ILKAP: variants seen among roughly 807,000 people sequenced by gnomAD.
The protein encoded by ILKAP is integrin-linked kinase-associated serine/threonine phosphatase 2C.
ILKAP carries 11 observed loss-of-function variants against 49.1 expected under a neutral mutation model. The ratio of observed to expected loss-of-function variants is 0.22; its 90% confidence interval spans 0.14 to 0.37. The LOEUF is 0.37. Among genes scored for constraint, ILKAP ranks in the 10% least tolerant of loss-of-function variants. The pLI, the probability that ILKAP is intolerant of heterozygous loss-of-function variation, is 1.00. For synonymous variants in ILKAP, 186 were observed against 192.8 expected (o/e 0.96, Z 0.29); for missense variants, 363 against 510.8 (o/e 0.71, Z 2.79).
In ILKAP at chr2:238,170,523, C is replaced by T. The variant is rs1012676265; in HGVS notation, c.*13G>A. ...AGTCAATACCATGCGTGCTCCTGGC[C>T]GCGCGCCACCCCTCAGTGCCCTATC... On this transcript the variant is annotated 3_prime_UTR_variant, in exon 12 of 12. Transcript: ENST00000254654. 15 of 1,581,496 alleles carry T rather than the reference C, an allele frequency of 9.5e-6. No homozygotes were observed. Among genetic ancestry groups the T allele is most frequent in the Non-Finnish European group, 1.2e-5 (14 of 1,158,722 alleles).
intron 3 of ILKAP, among the ~76,000 whole-genome samples, chr2:238,191,284 A>G (rs1278724973): frequency 6.6e-6 from 1 of 151,928 alleles, no homozygotes; most frequent in Non-Finnish European, 1.5e-5. Context: ...GGAGTGCACC[A>G]TCACACCCAG....
chr2:238,193,015 G>GAA (rs35113840), intron 3 of ILKAP, among the ~76,000 whole-genome samples: 2 of 149,104 alleles, frequency 1.3e-5, no homozygotes, highest in East Asian at 2.0e-4. Flanking sequence ...TCCGTCTCAA[G>GAA]AAAAAAAAAA....
chr2:238,173,455 G>A, intron 10 of ILKAP, 79 bp downstream of exon 10: 1 of 1,559,536 alleles, frequency 6.4e-7, no homozygotes, highest in South Asian at 1.1e-5. Flanking sequence ...CTCCAACAAA[G>A]GCTTGATAGA....
Position 238,183,978 on chromosome 2 carries a change from C to T in ILKAP, c.626+42G>A, listed in dbSNP as rs183854102. ...GACTGAAATGCATTTAGGAAAACAC[C>T]ACACACAGTCCACTCAAACTTCATC... On this transcript the variant is annotated intron_variant, in intron 7 of 11. Transcript: ENST00000254654. 141 of 1,225,562 alleles carry T rather than the reference C, an allele frequency of 1.2e-4. No individual in the cohort carries two copies. In the African/African-American group the frequency reaches 1.9e-3, roughly 16 times the overall value. The allele number at this position is 1,225,562 out of a possible 1,614,324, so 75.9% of individuals were successfully genotyped here. A position where few individuals can be genotyped will look rare whatever the true frequency, so the allele number is the denominator to read the frequency against.
At chr2:238,194,097 T>TA (rs1262220629) in intron 3 of ILKAP, among the ~76,000 whole-genome samples, 178 bp downstream of exon 3, 2 of 152,256 alleles carry the variant, frequency 1.3e-5, no homozygotes, top group African/African-American at 4.8e-5. Flanking sequence ...CAGAAAGTGA[T>TA]ACAGTATTAT....
In ILKAP at chr2:238,189,938, C is replaced by T. The variant is rs1295461680; in HGVS notation, c.213G>A (p.Lys71=). 6 of 1,614,024 alleles carry T rather than the reference C, an allele frequency of 3.7e-6. No homozygotes were observed. Among genetic ancestry groups the T allele is most frequent in the Non-Finnish European group, 5.1e-6 (6 of 1,179,936 alleles). Residue 71 remains lysine (K), a synonymous_variant, in exon 4 of 12, where the codon AAG becomes AAA. Coordinates refer to ENST00000254654, the MANE Select transcript of ILKAP (RefSeq NM_030768.3). Reference sequence around the variant, plus strand: ...TTCTCTTTGCTCCTTTCCCTTCAGTCTTTACCATCTGGGATATTGATGTGG... The same window carrying T: ...TTCTCTTTGCTCCTTTCCCTTCAGTTTTTACCATCTGGGATATTGATGTGG... ...SLATSISQMV[K]TEGKGAKRKT... is the part of the protein sequence containing the mutation.
intron 10 of ILKAP, among the ~76,000 whole-genome samples, chr2:238,172,121 C>T (rs139295509): frequency 1.6e-3 from 247 of 152,174 alleles, no homozygotes; most frequent in Non-Finnish European, 2.9e-3. Context: ...GGCATGATCT[C>T]GCTCACTGTA....
intron 9 of ILKAP, among the ~76,000 whole-genome samples, chr2:238,177,631 T>C (rs776972848): frequency 2.0e-5 from 3 of 152,228 alleles, no homozygotes; most frequent in Admixed American, 6.5e-5. Flanking sequence ...GGTTCATCCA[T>C]TTTGTAGCAT....
intron 9 of ILKAP, 66 bp downstream of exon 9, chr2:238,181,999 G>A (rs962204888): frequency 1.2e-5 from 19 of 1,574,686 alleles, no homozygotes; most frequent in Non-Finnish European, 1.6e-5. Context: ...ACTCCTTGAA[G>A]GTCTCGGGAC....
intron 4 of ILKAP, 193 bp from the exon 5 acceptor site, chr2:238,188,450 A>T: frequency 1.6e-6 from 1 of 613,910 alleles, no homozygotes; most frequent in Non-Finnish European, 2.7e-6. Context: ...GCACTGTTGG[A>T]CAGGGTGAGC....
chr2:238,200,121 G>C (rs1176568191), intron 1 of ILKAP, among the ~76,000 whole-genome samples: 2 of 152,174 alleles, frequency 1.3e-5, no homozygotes, highest in African/African-American at 4.8e-5. Context: ...AATATAAGCT[G>C]CCAATCTTAA....
intron 9 of ILKAP, among the ~76,000 whole-genome samples, chr2:238,179,699 G>T (rs1308934616): frequency 1.3e-5 from 2 of 152,126 alleles, no homozygotes; most frequent in African/African-American, 4.8e-5. Flanking sequence ...TGAAGTGAAG[G>T]ACTACTGAGT....
chr2:238,173,309 GC>G (rs773943201), intron 10 of ILKAP, among the ~76,000 whole-genome samples: 2 of 152,050 alleles, frequency 1.3e-5, no homozygotes, highest in African/African-American at 2.4e-5. Flanking sequence ...CCAGCACACA[GC>G]ACATGCCTAG....
chr2:238,181,413 A>G (rs985274479), intron 9 of ILKAP, among the ~76,000 whole-genome samples: 2 of 152,216 alleles, frequency 1.3e-5, no homozygotes, highest in Non-Finnish European at 2.9e-5. Context: ...TAATAAAACC[A>G]GAGCAGACAT....
chr2:238,182,203 T>G lies in ILKAP; in HGVS notation c.715-17A>C, dbSNP rs1487136817. On this transcript the variant is annotated splice_polypyrimidine_tract_variant and intron_variant, in intron 8 of 11. Coordinates refer to ENST00000254654, the MANE Select transcript of ILKAP (RefSeq NM_030768.3). ...CAAGATTGCCTGGGAAGATGGAGAT[T>G]GTAATAGTCATGAAATTCAGTGGGC... The G allele has an allele frequency of 1.9e-6, 3 of 1,612,678 alleles. No individual in the cohort carries two copies. The highest frequency in any genetic ancestry group is 2.5e-6 in the Non-Finnish European group (3 of 1,179,036).
At chr2:238,184,757 T>C (rs1411961805) in intron 6 of ILKAP, among the ~76,000 whole-genome samples, 1 of 149,074 alleles carries the variant, frequency 6.7e-6, no homozygotes, top group Non-Finnish European at 1.5e-5. Context: ...AGAGATAGAG[T>C]CTCCCTATGT....
intron 1 of ILKAP, among the ~76,000 whole-genome samples, chr2:238,200,808 A>G (rs879539342): frequency 1.3e-5 from 2 of 152,210 alleles, no homozygotes; most frequent in African/African-American, 2.4e-5. Flanking sequence ...GGGCGACACA[A>G]TGAGGCTGTC....
chr2:238,189,773 T>G (rs556538677), intron 4 of ILKAP, 80 bp downstream of exon 4: 81 of 1,331,872 alleles, frequency 6.1e-5, no homozygotes, highest in Non-Finnish European at 7.7e-5. Context: ...AAAGTATTAT[T>G]AGAAAGCTGA....
intron 1 of ILKAP, among the ~76,000 whole-genome samples, chr2:238,202,992 T>G (rs1694634526): frequency 6.6e-6 from 1 of 152,014 alleles, no homozygotes; most frequent in Non-Finnish European, 1.5e-5. Flanking sequence ...AGATGGTGAT[T>G]AATTCAATCT....
Sources: gnomAD v4.1 joint callset for allele counts (sites outside exome capture counted in the v4.1 genomes callset) on GRCh38, gnomAD v4.1.1 for gene constraint, MANE v1.5 for transcripts, NCBI Gene and HGNC (gene_info 2026-07-23, HGNC 2026-07-21) for gene names.